The following TTLL7 variants were observed in gnomAD, a reference collection of about 807,000 sequenced individuals.
The protein encoded by TTLL7 is tubulin polyglutamylase TTLL7.
A neutral mutation model predicts 120.2 loss-of-function variants in TTLL7; 53 were observed. The observed-to-expected ratio is 0.44, with a 90% CI of 0.35 to 0.55. The LOEUF is 0.55. TTLL7 is among the 20% of genes least tolerant of loss of function. The pLI, the probability that TTLL7 is intolerant of heterozygous loss-of-function variation, is 0.00. For synonymous variants in TTLL7, 353 were observed against 351.7 expected (o/e 1.00, Z -0.04); for missense variants, 803 against 1,054.7 (o/e 0.76, Z 3.31).
chr1:83,974,294 T>C (rs1051999693), intron 1 of TTLL7, among the ~76,000 whole-genome samples: 1 of 151,950 alleles, frequency 6.6e-6, no homozygotes, highest in Non-Finnish European at 1.5e-5. Context: ...GAAGCTGTCA[T>C]TGAAAACTAG....
At chr1:83,881,217 C>CA (rs1183385103) in intron 20 of TTLL7, among the ~76,000 whole-genome samples, 12 of 151,524 alleles carry the variant, frequency 7.9e-5, no homozygotes, top group South Asian at 2.1e-4. Flanking sequence ...AAAGCAATGG[C>CA]AAAAAAAGCC....
At chr1:83,909,009 T>C (rs1657448993) in intron 15 of TTLL7, among the ~76,000 whole-genome samples, 1 of 151,904 alleles carries the variant, frequency 6.6e-6, no homozygotes, top group Middle Eastern at 3.2e-3. Flanking sequence ...ACACTGCTTC[T>C]ATATTTCTAG....
intron 14 of TTLL7, among the ~76,000 whole-genome samples, chr1:83,912,682 T>C (rs1483102532): frequency 3.3e-5 from 5 of 152,142 alleles, no homozygotes; most frequent in African/African-American, 1.2e-4. Context: ...AAAAGCATGA[T>C]CTTCTTAAAT....
chr1:83,970,442 T>C (rs1455504952), intron 1 of TTLL7, among the ~76,000 whole-genome samples: 2 of 152,068 alleles, frequency 1.3e-5, no homozygotes, highest in Non-Finnish European at 2.9e-5. Context: ...TAAAATATTT[T>C]CCCCTTAGAA....
intron 6 of TTLL7, among the ~76,000 whole-genome samples, chr1:83,942,904 G>T (rs1648110994): frequency 6.6e-6 from 1 of 152,172 alleles, no homozygotes; most frequent in African/African-American, 2.4e-5. Flanking sequence ...GAAAAAAACA[G>T]CTGGATCTGT....
chr1:83,938,046 C>T (rs1182571794), intron 7 of TTLL7, 30 bp from the exon 8 acceptor site: 2 of 1,607,742 alleles, frequency 1.2e-6, no homozygotes, highest in Non-Finnish European at 1.7e-6. Context: ...AAGTTGTTAC[C>T]ACCTATGACA....
intron 10 of TTLL7, among the ~76,000 whole-genome samples, chr1:83,923,517 T>C (rs1188505349): frequency 1.3e-5 from 2 of 151,990 alleles, no homozygotes; most frequent in Admixed American, 1.3e-4. Context: ...TAGACAAAGA[T>C]ACTTATACAC....
At chr1:83,969,422 T>C (rs1463048276) in intron 1 of TTLL7, among the ~76,000 whole-genome samples, 2 of 151,976 alleles carry the variant, frequency 1.3e-5, no homozygotes, top group African/African-American at 4.8e-5. Flanking sequence ...AAGAACTCAC[T>C]GACTTTAATA....
At chr1:83,919,048 C>T (rs1235230331) in intron 13 of TTLL7, among the ~76,000 whole-genome samples, 3 of 151,996 alleles carry the variant, frequency 2.0e-5, no homozygotes, top group Admixed American at 6.6e-5. Context: ...TTATCTGACA[C>T]ACCAGACATG....
intron 1 of TTLL7, among the ~76,000 whole-genome samples, chr1:83,997,519 AACTG>A (rs1653596163): frequency 1.3e-5 from 2 of 152,180 alleles, no homozygotes; most frequent in South Asian, 2.1e-4. Flanking sequence ...CATATTTCTA[AACTG>A]ACTAAGAGTC....
At position 83,883,021 on chromosome 1, in the gene TTLL7, A is replaced by G; in HGVS notation, c.2485T>C (p.Tyr829His). ...AGTGATCCTCTTTTGTCAGTTGCAT[A>G]TTTGTAAACCACTAGCAGGCACTGT... ...CKQCLLVVYK[Y>H]ATDKRGSLSG... The change falls in exon 20 of 21, where the codon TAT becomes CAT. Residue 829 changes from tyrosine (Y) to histidine (H), a missense_variant. Physicochemically the swap from Tyr to His is moderately conservative, Grantham distance 83. Around this residue, in one of 3 missense-constraint regions of TTLL7, gnomAD observed 388 missense variants for 450.4 expected, o/e 0.86. Coordinates refer to ENST00000260505, the MANE Select transcript of TTLL7 (RefSeq NM_024686.6). The G allele has an allele frequency of 1.2e-6, 2 of 1,612,782 alleles. No homozygotes were observed. Among genetic ancestry groups the G allele is most frequent in the Non-Finnish European group, 1.7e-6 (2 of 1,179,214 alleles).
At chr1:83,997,687 C>A (rs943090057) in intron 1 of TTLL7, among the ~76,000 whole-genome samples, 2 of 152,156 alleles carry the variant, frequency 1.3e-5, no homozygotes, top group Non-Finnish European at 2.9e-5. Context: ...TCACCTGTCA[C>A]CCTATTGTGG....
chr1:83,875,970 T>TG (rs1653893292), intron 20 of TTLL7, among the ~76,000 whole-genome samples: 1 of 151,930 alleles, frequency 6.6e-6, no homozygotes, highest in South Asian at 2.1e-4. Flanking sequence ...TAAAATTTTT[T>TG]GGTTCTATTA....
intron 17 of TTLL7, among the ~76,000 whole-genome samples, 184 bp from the exon 18 acceptor site, chr1:83,904,343 T>C (rs1460428792): frequency 1.3e-5 from 2 of 152,126 alleles, no homozygotes; most frequent in African/African-American, 2.4e-5. Context: ...CTATTCTAGT[T>C]GTATTAAGAA....
At chr1:83,890,044 A>G in intron 19 of TTLL7, 1 of 477,608 alleles carries the variant, frequency 2.1e-6, no homozygotes, top group Non-Finnish European at 4.1e-6. Flanking sequence ...TTAGAAGGCG[A>G]CTGCAGAAGA....
chr1:83,927,459 G>T (rs1243636677), intron 10 of TTLL7, among the ~76,000 whole-genome samples: 1 of 152,098 alleles, frequency 6.6e-6, no homozygotes, highest in Admixed American at 6.6e-5. Flanking sequence ...AATAAGGAAA[G>T]GCATTCAGAG....
At chr1:83,906,260 A>T in intron 17 of TTLL7, 69 bp downstream of exon 17, 1 of 1,356,494 alleles carries the variant, frequency 7.4e-7, no homozygotes, top group Non-Finnish European at 1.0e-6. Context: ...TCAGGAAATA[A>T]ATTTTAATAT....
rs2100823605 is a variant in TTLL7 at position 83,933,624 on chromosome 1, T to C, written c.1031A>G (p.Lys344Arg). 1 of 1,613,210 alleles carries C rather than the reference T, an allele frequency of 6.2e-7. No individual in the cohort carries two copies. The highest frequency in any genetic ancestry group is 1.1e-5 in the South Asian group (1 of 90,908). ...ATGCCTTACCTCCAGAAGCCATGGC[T>C]TTAGTTTTCTATCCAACAAAATATC... ...GFDILLDRKL[K>R]PWLLEINRAP... Residue 344 changes from lysine (K) to arginine (R), a missense_variant, in exon 9 of 21, where the codon AAG becomes AGG. Coordinates refer to ENST00000260505, the MANE Select transcript of TTLL7 (RefSeq NM_024686.6).
At chr1:83,944,449 G>A (rs1648277263) in intron 6 of TTLL7, among the ~76,000 whole-genome samples, 1 of 152,164 alleles carries the variant, frequency 6.6e-6, no homozygotes, top group Non-Finnish European at 1.5e-5. Flanking sequence ...GCTTACACCT[G>A]TAATCCCAGC....
Sources: gnomAD v4.1 joint callset for allele counts (sites outside exome capture counted in the v4.1 genomes callset) on GRCh38, gnomAD v4.1.1 for gene constraint, gnomAD v4.1.1 regional missense constraint, MANE v1.5 for transcripts, NCBI Gene and HGNC (gene_info 2026-07-23, HGNC 2026-07-21) for gene names.